Variants in HPF1 observed in about 807,000 individuals in gnomAD.
The protein encoded by HPF1 is histone PARylation factor 1, also known as UPF0609 protein C4orf27.
A neutral mutation model predicts 38.8 loss-of-function variants in HPF1; 35 were observed. The observed-to-expected ratio is 0.90, with a 90% CI of 0.69 to 1.19. HPF1 has a LOEUF of 1.19. Among genes scored for constraint, HPF1 ranks in the 50% most tolerant of loss-of-function variants. The pLI is 0.00. For missense variants in HPF1, 367 were observed against 405.8 expected, an observed-to-expected ratio of 0.90 and a Z score of 0.82; for synonymous variants, 115 against 139.2, an observed-to-expected ratio of 0.83 and a Z score of 1.22.
At chr4:169,733,427 A>G (rs1340777767) in intron 6 of HPF1, among the ~76,000 whole-genome samples, 4 of 152,210 alleles carry the variant, frequency 2.6e-5, no homozygotes, top group Non-Finnish European at 5.9e-5. Flanking sequence ...AAGAATGGAT[A>G]TTATTCAAAC....
intron 2 of HPF1, 135 bp from the exon 3 acceptor site, chr4:169,750,860 T>C: frequency 3.3e-6 from 2 of 597,648 alleles, no homozygotes; most frequent in Non-Finnish European, 5.7e-6. Flanking sequence ...TGTGTGAAGA[T>C]GTCAGTTATA....
Position 169,743,912 on chromosome 4 carries a change from C to A in HPF1, c.498-1805G>T, listed in dbSNP as rs1322982642. Reference sequence around the variant, plus strand: ...AAAGGCACAGAGGATAGTCAACTTACCCAAGTTGAGAGAGCTAATAGATTA... The same window carrying A: ...AAAGGCACAGAGGATAGTCAACTTAACCAAGTTGAGAGAGCTAATAGATTA... On this transcript the variant is annotated intron_variant, in intron 4 of 7. Transcript: ENST00000393381. Among the ~76,000 whole-genome samples, 3 of 151,614 alleles carry A rather than the reference C, an allele frequency of 2.0e-5. 1 individual carries two copies. In the South Asian group the frequency reaches 6.2e-4, roughly 32 times the overall value.
intron 2 of HPF1, among the ~76,000 whole-genome samples, chr4:169,752,168 CTTTT>C (rs35247508): frequency 1.9e-5 from 2 of 107,200 alleles, no homozygotes; most frequent in African/African-American, 3.7e-5. Context: ...ACAGGCATGA[CTTTT>C]TTTTTTTTTT....
chr4:169,731,324 C>T (rs1462774916), intron 7 of HPF1, among the ~76,000 whole-genome samples: 3 of 152,060 alleles, frequency 2.0e-5, no homozygotes, highest in Non-Finnish European at 2.9e-5. Context: ...ACAATGGAAA[C>T]GAAATGGAGC....
chr4:169,750,038 CTCTATT>C (rs780370425), intron 3 of HPF1, among the ~76,000 whole-genome samples: 3 of 152,306 alleles, frequency 2.0e-5, no homozygotes, highest in African/African-American at 2.4e-5. Context: ...CCTGGAGTTT[CTCTATT>C]TCTAAGTATT....
intron 6 of HPF1, 67 bp from the exon 7 acceptor site, chr4:169,731,943 AG>A: frequency 7.5e-7 from 1 of 1,329,498 alleles, no homozygotes; most frequent in Non-Finnish European, 1.1e-6. Flanking sequence ...TTCAAAAGTA[AG>A]AAGATTATAA....
At chr4:169,740,655 T>C (rs1333552349) in intron 5 of HPF1, among the ~76,000 whole-genome samples, 1 of 152,198 alleles carries the variant, frequency 6.6e-6, no homozygotes, top group Non-Finnish European at 1.5e-5. Context: ...AAAAACATGA[T>C]TGTCTTGAAA....
At position 169,733,533 on chromosome 4, in the gene HPF1, T is replaced by A. The variant is rs561209397; in HGVS notation, c.737-1657A>T. 4.6e-5 allele frequency among the ~76,000 whole-genome samples: 7 copies of A among 152,270 alleles called. No individual in the cohort carries two copies. In the East Asian group the frequency reaches 1.4e-3, roughly 29 times the overall value. On this transcript the variant is annotated intron_variant, in intron 6 of 7. Transcript: ENST00000393381. Reference sequence around the variant, plus strand: ...AATTATACTCAAGAATGATAGGTGATGTTAAATTCTATGTATGAGGCACAA... The same window carrying A: ...AATTATACTCAAGAATGATAGGTGAAGTTAAATTCTATGTATGAGGCACAA...
intron 1 of HPF1, among the ~76,000 whole-genome samples, chr4:169,756,350 G>T (rs1734188114): frequency 1.3e-5 from 2 of 152,182 alleles, no homozygotes. Context: ...TCACTATGCT[G>T]CTTCTCCAAC....
chr4:169,740,190 G>A (rs866934437), intron 5 of HPF1, among the ~76,000 whole-genome samples: 9 of 152,264 alleles, frequency 5.9e-5, no homozygotes, highest in Middle Eastern at 3.4e-3. Context: ...GTGGCAGAGA[G>A]CCAATTAGTA....
intron 3 of HPF1, among the ~76,000 whole-genome samples, chr4:169,749,119 C>T (rs1173076670): frequency 6.6e-6 from 1 of 152,098 alleles, no homozygotes; most frequent in Non-Finnish European, 1.5e-5. Context: ...TGTAATATTG[C>T]AGTCCCATTT....
Position 169,753,691 on chromosome 4 carries a change from G to A in HPF1, c.193C>T (p.Pro65Ser), listed in dbSNP as rs538302901. Residue 65 changes from proline to serine, a missense_variant, in exon 2 of 8, where the codon CCT (proline) becomes TCT (serine). Physicochemically the swap from Pro to Ser is moderately conservative, Grantham distance 74 (BLOSUM62 -1). Coordinates refer to ENST00000393381, the MANE Select transcript of HPF1 (RefSeq NM_017867.3). ...HFWKFCEELD[P>S]EKPSDSLSAS... ...AGCAACTCACCAGATGGCTTTTCAG[G>A]ATCAAGTTCTTCACAGAACTTCCAG... 136 of 1,611,078 alleles carry A rather than the reference G, an allele frequency of 8.4e-5. 1 individual carries two copies. In the Admixed American group the frequency reaches 2.3e-3, roughly 27 times the overall value.
chr4:169,754,360 G>T (rs999250264), intron 1 of HPF1, among the ~76,000 whole-genome samples: 10 of 152,118 alleles, frequency 6.6e-5, no homozygotes, highest in African/African-American at 2.4e-4. Context: ...AAGAGGGAAG[G>T]TTAGTGACAA....
intron 6 of HPF1, among the ~76,000 whole-genome samples, chr4:169,732,542 C>A (rs993779574): frequency 6.6e-6 from 1 of 152,174 alleles, no homozygotes; most frequent in Non-Finnish European, 1.5e-5. Flanking sequence ...AAACTTTGGG[C>A]AAACCTGGCT....
chr4:169,745,184 G>C (rs1326344562), intron 4 of HPF1, among the ~76,000 whole-genome samples: 1 of 152,188 alleles, frequency 6.6e-6, no homozygotes, highest in African/African-American at 2.4e-5. Flanking sequence ...GGGGGTGTGT[G>C]ACCCTTGAAG....
intron 1 of HPF1, 106 bp downstream of exon 1, chr4:169,757,724 C>CA: frequency 1.8e-6 from 2 of 1,133,104 alleles, no homozygotes; most frequent in Non-Finnish European, 2.6e-6. Flanking sequence ...CCCCTGGACA[C>CA]ACAGCAAGCT....
At chr4:169,741,932 A>T (rs1405335941) in intron 5 of HPF1, 25 bp downstream of exon 5, 1 of 1,603,104 alleles carries the variant, frequency 6.2e-7, no homozygotes, top group South Asian at 1.1e-5. Flanking sequence ...ATAGCAAAAC[A>T]GAGACCAACA....
At chr4:169,756,646 G>A (rs1277814334) in intron 1 of HPF1, among the ~76,000 whole-genome samples, 1 of 152,178 alleles carries the variant, frequency 6.6e-6, no homozygotes. Context: ...TACAAGGAAT[G>A]TTATTATATG....
At chr4:169,752,894 T>C (rs1734137212) in intron 2 of HPF1, among the ~76,000 whole-genome samples, 1 of 152,204 alleles carries the variant, frequency 6.6e-6, no homozygotes, top group Non-Finnish European at 1.5e-5. Flanking sequence ...GTGATGAAAT[T>C]ACCTTTGCCA....
Sources: gnomAD v4.1 joint callset for allele counts (sites outside exome capture counted in the v4.1 genomes callset) on GRCh38, gnomAD v4.1.1 for gene constraint, MANE v1.5 for transcripts, NCBI Gene and HGNC (gene_info 2026-07-23, HGNC 2026-07-21) for gene names.